ABCD2: variants seen among roughly 807,000 people sequenced by gnomAD.
The protein encoded by ABCD2 is ATP-binding cassette sub-family D member 2.
A neutral mutation model predicts 70.9 loss-of-function variants in ABCD2; 36 were observed. The observed-to-expected ratio is 0.51, with a 90% CI of 0.39 to 0.67. ABCD2 has a LOEUF of 0.67. ABCD2 is among the 30% of genes least tolerant of loss of function. ABCD2 has a pLI of 0.00. For missense variants in ABCD2, 729 were observed against 890.2 expected, an observed-to-expected ratio of 0.82 and a Z score of 2.30; for synonymous variants, 304 against 306.9, an observed-to-expected ratio of 0.99 and a Z score of 0.10.
intron 7 of ABCD2, among the ~76,000 whole-genome samples, chr12:39,580,153 C>T (rs1250564860): frequency 6.6e-6 from 1 of 152,144 alleles, no homozygotes; most frequent in African/African-American, 2.4e-5. Context: ...TTACACATGT[C>T]TGGTTTCAAC....
At chr12:39,565,513 C>T (rs1001448905) in intron 9 of ABCD2, among the ~76,000 whole-genome samples, 7 of 152,158 alleles carry the variant, frequency 4.6e-5, no homozygotes, top group African/African-American at 1.7e-4. Context: ...TGCTTATCAG[C>T]TTAAGGGGAT....
At chr12:39,588,592 G>A (rs1018544203) in intron 6 of ABCD2, among the ~76,000 whole-genome samples, 2 of 152,030 alleles carry the variant, frequency 1.3e-5, no homozygotes, top group Non-Finnish European at 2.9e-5. Context: ...CTTTGACTTC[G>A]GGTGTTCAGG....
Position 39,579,610 on chromosome 12 carries a change from G to A in ABCD2, c.1802C>T (p.Ala601Val), listed in dbSNP as rs770550941. The A allele has an allele frequency of 5.6e-6, 9 of 1,606,862 alleles. No individual in the cohort carries two copies. The highest frequency in any genetic ancestry group is 1.7e-4 in the Middle Eastern group (1 of 6,038). The stretch of plus-strand genomic sequence containing the variant: ...CAGGACATCTTTCCAGTCCATAACA[G>A]CATCCCATCCTTAAGAAAATAAAAA... The part of the protein sequence containing the change: ...HIVQREGGWD[A>V]VMDWKDVLSG... Residue 601 changes from alanine (A) to valine (V), a missense_variant, in exon 8 of 10, where the codon GCT becomes GTT. By Grantham distance (64) the Ala-to-Val change is moderately conservative. This residue lies in a region of ABCD2 where 289 missense variants were observed against 328.8 expected (regional missense o/e 0.88). Coordinates refer to ENST00000308666, the MANE Select transcript of ABCD2 (RefSeq NM_005164.4).
chr12:39,532,372 A>G, the ABCD2 span, among the ~76,000 whole-genome samples: 1 of 152,246 alleles, frequency 6.6e-6, no homozygotes, highest in East Asian at 1.9e-4. Flanking sequence ...AAGCTGTTCA[A>G]CATCTCCAAT....
chr12:39,547,747 A>AGTT (rs1190360218), downstream of ABCD2, among the ~76,000 whole-genome samples: 8 of 152,126 alleles, frequency 5.3e-5, no homozygotes, highest in African/African-American at 1.9e-4. Context: ...ATATGAATAT[A>AGTT]GTTAACATTA....
chr12:39,568,108 A>T (rs943450883), intron 9 of ABCD2, among the ~76,000 whole-genome samples: 2 of 151,704 alleles, frequency 1.3e-5, no homozygotes, highest in African/African-American at 4.9e-5. Flanking sequence ...TGTGTCTTGG[A>T]GTTGCTCTTC....
intron 9 of ABCD2, among the ~76,000 whole-genome samples, chr12:39,557,697 C>T (rs1278315933): frequency 6.6e-6 from 1 of 152,130 alleles, no homozygotes; most frequent in African/African-American, 2.4e-5. Context: ...GCCCTATGTC[C>T]CAGCTGTGGC....
rs1421582065 is a variant in ABCD2 at position 39,550,485 on chromosome 12, G to T, written c.*3427C>A. ...TTAATACAATTCTGGCTTATAAATAGACCATTGGTTTTGAAAATTTCACAA... is the reference window on the plus strand; with the variant it reads ...TTAATACAATTCTGGCTTATAAATATACCATTGGTTTTGAAAATTTCACAA... On this transcript the variant is annotated 3_prime_UTR_variant, in exon 10 of 10. Transcript: ENST00000308666. The T allele has an allele frequency of 6.6e-6, 1 of 151,648 alleles. No homozygotes were observed. 9.4% of individuals were successfully genotyped at this position (151,648 alleles called of 1,614,324 possible).
At chr12:39,559,545 T>C (rs1025009479) in intron 9 of ABCD2, among the ~76,000 whole-genome samples, 8 of 151,964 alleles carry the variant, frequency 5.3e-5, no homozygotes, top group African/African-American at 1.7e-4. Context: ...AAGTCTTCAA[T>C]CATACTCAAT....
chr12:39,572,997 T>C (rs960380294), intron 9 of ABCD2, among the ~76,000 whole-genome samples: 15 of 152,146 alleles, frequency 9.9e-5, no homozygotes, highest in African/African-American at 3.1e-4. Context: ...GTACAGAGTA[T>C]GTGATCATGG....
At chr12:39,601,483 A>G (rs980842182) in intron 5 of ABCD2, among the ~76,000 whole-genome samples, 10 of 152,010 alleles carry the variant, frequency 6.6e-5, no homozygotes, top group African/African-American at 2.2e-4. Context: ...TGACATTTAA[A>G]CTGTTTAATT....
intron 7 of ABCD2, among the ~76,000 whole-genome samples, chr12:39,583,767 C>T (rs1941628615): frequency 6.6e-6 from 1 of 152,148 alleles, no homozygotes; most frequent in African/African-American, 2.4e-5. Context: ...TGAGAACATA[C>T]AGTAAGTATA....
intron 6 of ABCD2, 121 bp downstream of exon 6, chr12:39,600,450 C>T: frequency 9.9e-7 from 1 of 1,009,144 alleles, no homozygotes; most frequent in Non-Finnish European, 1.4e-6. Context: ...ATTTTTATTT[C>T]CTTAATAGTT....
intron 6 of ABCD2, among the ~76,000 whole-genome samples, chr12:39,599,299 A>G (rs1941863420): frequency 6.6e-6 from 1 of 152,230 alleles, no homozygotes; most frequent in Admixed American, 6.5e-5. Context: ...TCAAGAGAAT[A>G]GAATTCTATA....
rs1942119143 is a variant in ABCD2 at position 39,616,705 on chromosome 12, CTATATTAGGCAA to C, written c.1120+271_1120+282del. 2.0e-5 allele frequency among the ~76,000 whole-genome samples: 3 copies of C among 152,150 alleles called. No homozygotes were observed. The South Asian group carries it at 6.2e-4, about 32-fold the overall frequency. Reference sequence around the variant, plus strand: ...GTTAAGTGTAAACTAAAGAATCATCCTATATTAGGCAATATAATTAAAATTGCTCAAGGTCAA... The same window carrying C: ...GTTAAGTGTAAACTAAAGAATCATCCTATAATTAAAATTGCTCAAGGTCAA... On this transcript the variant is annotated intron_variant, in intron 2 of 9. Transcript: ENST00000308666.
chr12:39,603,788 A>C (rs894820170), intron 5 of ABCD2, 124 bp downstream of exon 5: 3 of 681,856 alleles, frequency 4.4e-6, no homozygotes, highest in African/African-American at 1.8e-5. Context: ...GCCACTGTGC[A>C]TACCTTTCTT....
At chr12:39,590,263 A>G (rs909710882) in intron 6 of ABCD2, among the ~76,000 whole-genome samples, 6 of 152,176 alleles carry the variant, frequency 3.9e-5, no homozygotes, top group Admixed American at 6.5e-5. Flanking sequence ...TCTTCTAAAT[A>G]TTTCAGGTAG....
intron 7 of ABCD2, among the ~76,000 whole-genome samples, chr12:39,585,628 A>G (rs1365328877): frequency 2.0e-5 from 3 of 152,168 alleles, no homozygotes; most frequent in East Asian, 3.8e-4. Context: ...TTATATGTAC[A>G]AATGTTATTT....
downstream of ABCD2, among the ~76,000 whole-genome samples, chr12:39,545,726 T>C (rs931600658): frequency 5.3e-5 from 8 of 152,202 alleles, no homozygotes; most frequent in Non-Finnish European, 1.0e-4. Context: ...TTGAGTTTTT[T>C]TTATACAAAC....
Sources: allele counts gnomAD v4.1 joint callset (sites outside exome capture counted in the v4.1 genomes callset), GRCh38; gene constraint gnomAD v4.1.1; regional missense constraint gnomAD v4.1.1; transcripts MANE v1.5; gene names NCBI Gene and HGNC (gene_info 2026-07-23, HGNC 2026-07-21).